Variants in TXNDC16 observed in about 807,000 individuals in gnomAD.
TXNDC16 encodes thioredoxin domain containing 16, also known as thioredoxin domain-containing protein 16.
In TXNDC16, 74 loss-of-function variants were observed where a neutral mutation model predicts 85.6. That is an observed-to-expected ratio of 0.86 (90% CI 0.72 to 1.05). The LOEUF is 1.05. Among genes scored for constraint, TXNDC16 ranks in the 50% least tolerant of loss-of-function variants. TXNDC16 has a pLI of 0.00. For missense variants in TXNDC16, 959 were observed against 947.0 expected (o/e 1.01, Z -0.17); for synonymous variants, 335 against 326.5 (o/e 1.03, Z -0.28).
intron 9 of TXNDC16, among the ~76,000 whole-genome samples, chr14:52,505,580 A>C (rs2036777621): frequency 6.6e-6 from 1 of 152,228 alleles, no homozygotes; most frequent in African/African-American, 2.4e-5. Context: ...GTAGAGGGAA[A>C]TTTATAGCGC....
rs185002246 is a variant in TXNDC16, at chr14:52,524,463, T to C, written c.393-5170A>G. Among the ~76,000 whole-genome samples, 19 of 152,316 alleles carry C rather than the reference T, an allele frequency of 1.2e-4. No individual in the cohort carries two copies. The East Asian group carries it at 2.3e-3, about 19-fold the overall frequency. On this transcript the variant is annotated intron_variant, in intron 6 of 20. Transcript: ENST00000281741. Reference sequence around the variant, plus strand: ...TACTGGATTATCTTTTCTTTTTGCATCATTTGATGATTTTTTTCTTTTGCA... The same window carrying C: ...TACTGGATTATCTTTTCTTTTTGCACCATTTGATGATTTTTTTCTTTTGCA...
intron 9 of TXNDC16, among the ~76,000 whole-genome samples, chr14:52,506,699 GGCGCCCGCCACC>G (rs2036816179): frequency 7.0e-6 from 1 of 143,552 alleles, no homozygotes; most frequent in African/African-American, 2.6e-5. Context: ...TGGGACTACA[GGCGCCCGCCACC>G]GCGCCCGGCT....
At chr14:52,546,746 A>AACTATTTT (rs1318521305) in intron 1 of TXNDC16, among the ~76,000 whole-genome samples, 7 of 152,238 alleles carry the variant, frequency 4.6e-5, no homozygotes, top group African/African-American at 1.7e-4. Context: ...TAGCAGCATA[A>AACTATTTT]ACTATTTTCT....
At chr14:52,465,758 T>C (rs1302345111) in intron 16 of TXNDC16, among the ~76,000 whole-genome samples, 2 of 152,096 alleles carry the variant, frequency 1.3e-5, no homozygotes, top group African/African-American at 2.4e-5. Flanking sequence ...AAGCAAGAGA[T>C]AAATAAAGAG....
Position 52,440,548 on chromosome 14 carries a change from A to G in TXNDC16, c.2003+16T>C, listed in dbSNP as rs765753578. On this transcript the variant is annotated intron_variant, in intron 19 of 20. Transcript: ENST00000281741. ...TTCTTTACCTCTTACATATTAAAAA[A>G]TAAACACATACTTACAGATTTAACC... is the stretch of plus-strand genomic sequence containing the variant. 84 of 1,541,338 alleles carry G rather than the reference A, an allele frequency of 5.4e-5. No individual in the cohort carries two copies. The highest frequency in any genetic ancestry group is 7.3e-5 in the Non-Finnish European group (84 of 1,148,382).
intron 18 of TXNDC16, among the ~76,000 whole-genome samples, chr14:52,451,207 A>G (rs2140111279): frequency 6.6e-6 from 1 of 151,954 alleles, no homozygotes; most frequent in Admixed American, 6.6e-5. Context: ...AATCACCACT[A>G]AAGAACTTAC....
intron 16 of TXNDC16, among the ~76,000 whole-genome samples, chr14:52,463,397 A>G (rs938640555): frequency 3.3e-5 from 5 of 152,160 alleles, no homozygotes; most frequent in African/African-American, 1.2e-4. Context: ...CCTATTTCTG[A>G]CACCATCTGT....
chr14:52,544,531 C>A (rs1256366509), intron 1 of TXNDC16, among the ~76,000 whole-genome samples, 160 bp from the exon 2 acceptor site: 2 of 151,888 alleles, frequency 1.3e-5, no homozygotes, highest in East Asian at 3.9e-4. Context: ...GAAAAAACAG[C>A]AATAGATTAT....
At chr14:52,482,319 T>C (rs367562497) in intron 13 of TXNDC16, 30 bp from the exon 14 acceptor site, 2 of 1,576,044 alleles carry the variant, frequency 1.3e-6, no homozygotes, top group African/African-American at 2.7e-5. Flanking sequence ...TCAACAGATA[T>C]TACATGTATA....
chr14:52,534,800 TTC>T (rs555907186), intron 6 of TXNDC16, among the ~76,000 whole-genome samples: 219 of 152,356 alleles, frequency 1.4e-3, no homozygotes, highest in African/African-American at 5.0e-3. Flanking sequence ...CCACATCCTA[TTC>T]TGTTTTTTAT....
intron 14 of TXNDC16, among the ~76,000 whole-genome samples, chr14:52,480,975 G>GTGTATGTATATA (rs1238227587): frequency 5.9e-5 from 8 of 134,990 alleles, no homozygotes; most frequent in African/African-American, 2.2e-4. Flanking sequence ...ATATATATAT[G>GTGTATGTATATA]TATATATATA....
chr14:52,529,917 T>G (rs2037454695), intron 6 of TXNDC16, among the ~76,000 whole-genome samples: 1 of 108,062 alleles, frequency 9.3e-6, no homozygotes. Flanking sequence ...TATTATATAA[T>G]ATACATTATA....
At chr14:52,439,113 C>T in intron 20 of TXNDC16, 91 bp downstream of exon 20, 2 of 1,314,114 alleles carry the variant, frequency 1.5e-6, no homozygotes, top group Non-Finnish European at 2.1e-6. Flanking sequence ...ATTTTAATAA[C>T]TCATCCTACC....
intron 9 of TXNDC16, among the ~76,000 whole-genome samples, chr14:52,497,839 C>T (rs185154080): frequency 6.7e-6 from 1 of 149,132 alleles, no homozygotes; most frequent in East Asian, 2.0e-4. Flanking sequence ...CGAGATTGCG[C>T]CACTGCACTC....
At chr14:52,503,138 T>C (rs1467870305) in intron 9 of TXNDC16, among the ~76,000 whole-genome samples, 1 of 152,182 alleles carries the variant, frequency 6.6e-6, no homozygotes, top group Non-Finnish European at 1.5e-5. Context: ...CTCTGTAGAC[T>C]CCACCTCTGG....
At chr14:52,443,676 C>T (rs1210925207) in intron 18 of TXNDC16, among the ~76,000 whole-genome samples, 1 of 152,156 alleles carries the variant, frequency 6.6e-6, no homozygotes, top group Non-Finnish European at 1.5e-5. Context: ...GCTGTGAGAC[C>T]AGATGAGTAA....
intron 12 of TXNDC16, among the ~76,000 whole-genome samples, chr14:52,486,910 GA>G (rs2140149595): frequency 6.6e-6 from 1 of 152,194 alleles, no homozygotes; most frequent in South Asian, 2.1e-4. Context: ...TGTATGTATT[GA>G]AACATCACTA....
chr14:52,501,097 C>T (rs1017506008), intron 9 of TXNDC16, among the ~76,000 whole-genome samples: 1 of 152,108 alleles, frequency 6.6e-6, no homozygotes, highest in African/African-American at 2.4e-5. Flanking sequence ...CCATATCTGG[C>T]AGAATCTTAC....
At chr14:52,497,317 A>C (rs2036554667) in intron 9 of TXNDC16, among the ~76,000 whole-genome samples, 1 of 152,174 alleles carries the variant, frequency 6.6e-6, no homozygotes, top group African/African-American at 2.4e-5. Flanking sequence ...ACTAGTAAGA[A>C]AATTAAATCA....
Sources: gnomAD v4.1 joint callset for allele counts (sites outside exome capture counted in the v4.1 genomes callset) on GRCh38, gnomAD v4.1.1 for gene constraint, MANE v1.5 for transcripts, NCBI Gene and HGNC (gene_info 2026-07-23, HGNC 2026-07-21) for gene names.